The following LAMB4 variants were observed in gnomAD, a reference collection of about 807,000 sequenced individuals.
The protein encoded by LAMB4 is laminin subunit beta-4.
A neutral mutation model predicts 199.2 loss-of-function variants in LAMB4; 196 were observed. The observed-to-expected ratio is 0.98, with a 90% CI of 0.88 to 1.11. The LOEUF is 1.11. Among genes scored for constraint, LAMB4 ranks in the 50% least tolerant of loss-of-function variants. LAMB4 has a pLI of 0.00. For missense variants in LAMB4, 2,080 were observed against 2,171.2 expected (o/e 0.96, Z 0.83); for synonymous variants, 744 against 770.6 (o/e 0.97, Z 0.57).
chr7:108,108,489 A>G (rs435125), intron 5 of LAMB4, among the ~76,000 whole-genome samples: 56,229 of 151,928 alleles, frequency 0.37, 10,979 homozygotes, highest in Non-Finnish European at 0.42. Context: ...TATCCATGAA[A>G]TTTATCCTGG....
chr7:108,091,726 C>T lies in LAMB4; in HGVS notation c.1601G>A (p.Arg534His), dbSNP rs372517976. The T allele has an allele frequency of 1.9e-5, 30 of 1,614,060 alleles. No homozygotes were observed. Among genetic ancestry groups the T allele is most frequent in the African/African-American group, 9.3e-5 (7 of 74,924 alleles). The change falls in exon 14 of 34, where the codon CGT (arginine) becomes CAT (histidine). Residue 534 changes from arginine to histidine, a missense_variant. Arg to His is a conservative substitution (Grantham distance 29, BLOSUM62 0). Transcript: ENST00000388781. ...GCCAGGGGCTGGTTCAGAGCAGCTA[C>T]GGCCAGTGACATGTGGGCGGCATTC... Reference protein sequence around the residue: ...QCECRPHVTGRSCSEPAPGYF... With the variant: ...QCECRPHVTGHSCSEPAPGYF...
intron 8 of LAMB4, 59 bp downstream of exon 8, chr7:108,105,758 C>T: frequency 1.4e-6 from 2 of 1,409,832 alleles, no homozygotes; most frequent in Non-Finnish European, 2.0e-6. Flanking sequence ...CTATATATAG[C>T]ACCAGGACAG....
chr7:108,043,236 C>T (rs1326180255), intron 29 of LAMB4, among the ~76,000 whole-genome samples: 1 of 151,890 alleles, frequency 6.6e-6, no homozygotes, highest in Non-Finnish European at 1.5e-5. Context: ...ATATCTTGAT[C>T]TCATATCATT....
In LAMB4 at chr7:108,092,373, G is replaced by A. The variant is rs2037441004; in HGVS notation, c.1514C>T (p.Pro505Leu). 1 of 1,613,934 alleles carries A rather than the reference G, an allele frequency of 6.2e-7. No homozygotes were observed. Among genetic ancestry groups the A allele is most frequent in the Admixed American group, 1.7e-5 (1 of 60,002 alleles). The change falls in exon 13 of 34, where the codon CCC (proline) becomes CTC (leucine). Residue 505 changes from proline (P) to leucine (L), a missense_variant. Physicochemically the swap from Pro to Leu is moderately conservative, Grantham distance 98. Coordinates refer to ENST00000388781, the MANE Select transcript of LAMB4 (RefSeq NM_007356.3). ...GLGNHLHGCS[P>L]CDCDIGGAYS... ...AGCACCTCCAATATCACAGTCACAG[G>A]GAGAACACCCATGGAGATGATTTCC...
chr7:108,128,062 A>AT (rs560097731), intron 1 of LAMB4, among the ~76,000 whole-genome samples: 32 of 152,278 alleles, frequency 2.1e-4, no homozygotes, highest in Admixed American at 1.0e-3. Flanking sequence ...ATTCTATGGA[A>AT]CACGGTCGAT....
intron 12 of LAMB4, 139 bp downstream of exon 12, chr7:108,095,089 G>A (rs2037545787): frequency 4.8e-6 from 3 of 629,680 alleles, no homozygotes; most frequent in Non-Finnish European, 8.4e-6. Context: ...GCTGATTTCT[G>A]TAGTGTAAAT....
intron 14 of LAMB4, among the ~76,000 whole-genome samples, chr7:108,081,560 G>A (rs868622453): frequency 1.4e-4 from 22 of 152,228 alleles, no homozygotes; most frequent in African/African-American, 5.3e-4. Context: ...CTCTCCTAGG[G>A]CACCTGACTT....
chr7:108,053,832 C>T (rs910572693), intron 25 of LAMB4, among the ~76,000 whole-genome samples: 1 of 152,170 alleles, frequency 6.6e-6, no homozygotes, highest in Non-Finnish European at 1.5e-5. Flanking sequence ...GCTTGTGGTC[C>T]ATGGGCCAAA....
chr7:108,040,374 T>A (rs1000957681), intron 29 of LAMB4, among the ~76,000 whole-genome samples: 4 of 152,164 alleles, frequency 2.6e-5, no homozygotes, highest in African/African-American at 9.7e-5. Context: ...CTTATCAAAC[T>A]ACCAATGACA....
intron 27 of LAMB4, among the ~76,000 whole-genome samples, chr7:108,048,595 T>G (rs1280275884): frequency 1.3e-5 from 2 of 152,258 alleles, no homozygotes; most frequent in African/African-American, 4.8e-5. Context: ...TCTAAATTAC[T>G]TATCAGTATT....
In LAMB4 at chr7:108,063,766, C is replaced by T; in HGVS notation, c.3056G>A (p.Cys1019Tyr). The T allele has an allele frequency of 6.2e-7, 1 of 1,613,570 alleles. No homozygotes were observed. The highest frequency in any genetic ancestry group is 8.5e-7 in the Non-Finnish European group (1 of 1,179,482). ...TGGGAGTTTTGCAGACTTACTTCTGCAGGTCTGATTGAGGGCTGATCCATA... is the reference window on the plus strand; with the variant it reads ...TGGGAGTTTTGCAGACTTACTTCTGTAGGTCTGATTGAGGGCTGATCCATA... Reference protein sequence around the residue: ...GHYGSALNQTCRRCSCHASGV... With the variant: ...GHYGSALNQTYRRCSCHASGV... Residue 1019 changes from cysteine to tyrosine, a missense_variant, in exon 22 of 34, where the codon TGC (cysteine) becomes TAC (tyrosine). Transcript: ENST00000388781.
In LAMB4 at chr7:108,078,246, G is replaced by A. The variant is rs2036781953; in HGVS notation, c.1958C>T (p.Thr653Ile). 1 of 1,611,920 alleles carries A rather than the reference G, an allele frequency of 6.2e-7. No individual in the cohort carries two copies. Among genetic ancestry groups the A allele is most frequent in the Non-Finnish European group, 8.5e-7 (1 of 1,179,202 alleles). Residue 653 changes from threonine to isoleucine, a missense_variant, in exon 16 of 34, where the codon ACT (threonine) becomes ATT (isoleucine). Transcript: ENST00000388781. ...AAAAGACTGAGGCTTTGACTGTAGAGTCTTGGGTATGCAGTGCTCACTCCC... is the reference window on the plus strand; with the variant it reads ...AAAAGACTGAGGCTTTGACTGTAGAATCTTGGGTATGCAGTGCTCACTCCC... ...PGGSEHCIPKTLQSKPQSFAL... is the reference protein window; with the variant it reads ...PGGSEHCIPKILQSKPQSFAL...
At chr7:108,028,919 C>T in intron 33 of LAMB4, 124 bp downstream of exon 33, 1 of 877,542 alleles carries the variant, frequency 1.1e-6, no homozygotes, top group Non-Finnish European at 1.7e-6. Context: ...CCAATTTCTA[C>T]TTCTCTCTCC....
chr7:108,058,513 T>C (rs944138011), intron 23 of LAMB4, among the ~76,000 whole-genome samples: 2 of 152,234 alleles, frequency 1.3e-5, no homozygotes, highest in African/African-American at 4.8e-5. Flanking sequence ...ACTGAGGAGG[T>C]TGGAAAATTA....
At chr7:108,081,876 T>C (rs1045268716) in intron 14 of LAMB4, among the ~76,000 whole-genome samples, 1 of 152,104 alleles carries the variant, frequency 6.6e-6, no homozygotes, top group East Asian at 1.9e-4. Context: ...TGAATGTCTT[T>C]GATGAGAGAA....
At chr7:108,044,084 T>A (rs1480654092) in intron 28 of LAMB4, among the ~76,000 whole-genome samples, 188 bp from the exon 29 acceptor site, 1 of 152,248 alleles carries the variant, frequency 6.6e-6, no homozygotes, top group Non-Finnish European at 1.5e-5. Context: ...CTCATTATCA[T>A]GTTTTCTTTA....
Position 108,037,445 on chromosome 7 carries a change from C to T in LAMB4, c.4622G>A (p.Arg1541Lys). The T allele has an allele frequency of 6.2e-7, 1 of 1,614,146 alleles. No homozygotes were observed. The highest frequency in any genetic ancestry group is 1.1e-5 in the South Asian group (1 of 91,086). The change falls in exon 30 of 34, where the codon AGG becomes AAG. Residue 1541 changes from arginine to lysine, a missense_variant. Physicochemically the swap from Arg to Lys is conservative, Grantham distance 26. Transcript: ENST00000388781. ...LCEDYRTDEN[R>K]LNEEADGAQK... is the part of the protein sequence containing the mutation. Reference sequence around the variant, plus strand: ...GGCTCCATCTGCTTCTTCATTTAACCTGTTTTCATCTGTCCTGTAATCCTC... The same window carrying T: ...GGCTCCATCTGCTTCTTCATTTAACTTGTTTTCATCTGTCCTGTAATCCTC...
intron 28 of LAMB4, among the ~76,000 whole-genome samples, chr7:108,044,955 C>CAAAAAAAA (rs756256335): frequency 1.1e-4 from 6 of 56,548 alleles, no homozygotes; most frequent in African/African-American, 4.6e-4. Context: ...ATTCTTGTCT[C>CAAAAAAAA]AAAAAAAAAA....
downstream of LAMB4, among the ~76,000 whole-genome samples, chr7:108,018,996 A>T (rs1167074569): frequency 6.6e-6 from 1 of 152,102 alleles, no homozygotes; most frequent in Non-Finnish European, 1.5e-5. Context: ...CTTCATGTGC[A>T]TGGGGATAGC....
Sources: gnomAD v4.1 joint callset for allele counts (sites outside exome capture counted in the v4.1 genomes callset) on GRCh38, gnomAD v4.1.1 for gene constraint, MANE v1.5 for transcripts, NCBI Gene and HGNC (gene_info 2026-07-23, HGNC 2026-07-21) for gene names.